KCTD8: variants seen among roughly 807,000 people sequenced by gnomAD.
KCTD8 encodes potassium channel tetramerization domain containing 8.
Under a neutral mutation model 31.5 loss-of-function variants are expected in KCTD8, and 27 were observed. The observed-to-expected ratio is 0.86, with a 90% CI of 0.63 to 1.18. KCTD8 has a LOEUF of 1.18. KCTD8 is among the 50% of genes most tolerant of loss of function. The probability of loss-of-function intolerance (pLI) is 0.00; values close to 1 mark genes in which losing one functional copy is unlikely to be tolerated. For missense variants in KCTD8, 658 were observed against 647.7 expected, an observed-to-expected ratio of 1.02 and a Z score of -0.17; for synonymous variants, 290 against 280.0, an observed-to-expected ratio of 1.04 and a Z score of -0.36.
intron 1 of KCTD8, among the ~76,000 whole-genome samples, chr4:44,288,814 T>C (rs933212369): frequency 1.3e-5 from 2 of 152,056 alleles, no homozygotes; most frequent in African/African-American, 4.8e-5. Flanking sequence ...CCCTCTTCCT[T>C]TCTGCATATA....
At chr4:44,198,828 G>A (rs1001781162) in intron 1 of KCTD8, among the ~76,000 whole-genome samples, 2 of 152,068 alleles carry the variant, frequency 1.3e-5, no homozygotes, top group African/African-American at 4.8e-5. Context: ...GAATACCAAT[G>A]ATCCAAATGC....
chr4:44,278,932 A>G (rs1716823449), intron 1 of KCTD8, among the ~76,000 whole-genome samples: 1 of 151,814 alleles, frequency 6.6e-6, no homozygotes, highest in South Asian at 2.1e-4. Flanking sequence ...ATCTATTTTT[A>G]TTTCTTGCAC....
chr4:44,205,078 A>G (rs1714263846), intron 1 of KCTD8, among the ~76,000 whole-genome samples: 1 of 152,158 alleles, frequency 6.6e-6, no homozygotes, highest in Admixed American at 6.5e-5. Flanking sequence ...AATACCATAA[A>G]GATGTAATTA....
At chr4:44,255,174 G>C (rs1715956036) in intron 1 of KCTD8, among the ~76,000 whole-genome samples, 1 of 151,732 alleles carries the variant, frequency 6.6e-6, no homozygotes, top group Non-Finnish European at 1.5e-5. Flanking sequence ...CTATGATGCT[G>C]GCTTTCTTGG....
intron 1 of KCTD8, among the ~76,000 whole-genome samples, chr4:44,277,696 T>A (rs1238839056): frequency 6.6e-6 from 1 of 151,972 alleles, no homozygotes; most frequent in Non-Finnish European, 1.5e-5. Context: ...CTTACTTACA[T>A]AAATGTTTCC....
chr4:44,334,687 AG>A (rs1718676647), intron 1 of KCTD8, among the ~76,000 whole-genome samples: 1 of 152,132 alleles, frequency 6.6e-6, no homozygotes, highest in African/African-American at 2.4e-5. Context: ...AACAACAAAA[AG>A]AAAAACCAAG....
intron 1 of KCTD8, among the ~76,000 whole-genome samples, chr4:44,320,499 T>G (rs1027257613): frequency 2.6e-5 from 4 of 152,214 alleles, no homozygotes; most frequent in Admixed American, 6.5e-5. Context: ...TAGCTATGCC[T>G]ACTCATTGGG....
At chr4:44,300,243 G>A (rs749061814) in intron 1 of KCTD8, among the ~76,000 whole-genome samples, 3 of 152,056 alleles carry the variant, frequency 2.0e-5, no homozygotes, top group Non-Finnish European at 4.4e-5. Context: ...CAGAGGCACA[G>A]CTTCTATTTC....
intron 1 of KCTD8, among the ~76,000 whole-genome samples, chr4:44,343,050 G>A (rs1381389650): frequency 6.6e-6 from 1 of 152,210 alleles, no homozygotes; most frequent in Non-Finnish European, 1.5e-5. Flanking sequence ...GTCCAGTGGA[G>A]TTGCACTTTT....
At chr4:44,424,054 T>C (rs901009584) in intron 1 of KCTD8, among the ~76,000 whole-genome samples, 1 of 152,084 alleles carries the variant, frequency 6.6e-6, no homozygotes, top group Non-Finnish European at 1.5e-5. Context: ...ACACTATCCA[T>C]CTTTAGTCCA....
At chr4:44,343,249 T>C (rs990787878) in intron 1 of KCTD8, among the ~76,000 whole-genome samples, 23 of 152,164 alleles carry the variant, frequency 1.5e-4, no homozygotes, top group African/African-American at 5.1e-4. Flanking sequence ...TGATTAGTAA[T>C]TGGCCTGATT....
chr4:44,413,833 G>A (rs1399515649), intron 1 of KCTD8, among the ~76,000 whole-genome samples: 1 of 152,062 alleles, frequency 6.6e-6, no homozygotes, highest in Admixed American at 6.6e-5. Context: ...TTATCCAGAA[G>A]AGCCCAATGC....
rs919500820 is a variant in KCTD8, at chr4:44,174,944, G to A, written c.1268C>T (p.Thr423Ile). 4 of 1,614,068 alleles carry A rather than the reference G, an allele frequency of 2.5e-6. No homozygotes were observed. Among genetic ancestry groups the A allele is most frequent in the Non-Finnish European group, 1.7e-6 (2 of 1,179,986 alleles). Residue 423 changes from threonine (T) to isoleucine (I), a missense_variant, in exon 2 of 2, where the codon ACA becomes ATA. Thr to Ile is a moderately conservative substitution (Grantham distance 89, BLOSUM62 -1). Coordinates refer to ENST00000360029, the MANE Select transcript of KCTD8 (RefSeq NM_198353.3). ...ACAGACTTTCTTTTTGGACAGATTT[G>A]TTTCCCGGGACTTGCTGATGAGGGT... ...FQTLISKSRETNLSKKKVCEK... is the reference protein window; with the variant it reads ...FQTLISKSREINLSKKKVCEK...
intron 1 of KCTD8, among the ~76,000 whole-genome samples, chr4:44,183,998 A>T (rs929009663): frequency 2.0e-5 from 3 of 152,210 alleles, no homozygotes; most frequent in Admixed American, 2.0e-4. Context: ...CTCCATTTTG[A>T]TTTCACAAAC....
chr4:44,272,191 T>C lies in KCTD8; in HGVS notation c.962-96941A>G, dbSNP rs564473596. On this transcript the variant is annotated intron_variant, in intron 1 of 1. Transcript: ENST00000360029. ...GTTTTTCAATATCCATCAAGTATTGTCAATTTAATAAGTTTCCATTCAATC... is the reference window on the plus strand; with the variant it reads ...GTTTTTCAATATCCATCAAGTATTGCCAATTTAATAAGTTTCCATTCAATC... 3.3e-5 allele frequency among the ~76,000 whole-genome samples: 5 copies of C among 150,962 alleles called. No individual in the cohort carries two copies. The East Asian group carries it at 9.7e-4, about 29-fold the overall frequency.
At chr4:44,195,792 T>C (rs2109336931) in intron 1 of KCTD8, among the ~76,000 whole-genome samples, 1 of 152,240 alleles carries the variant, frequency 6.6e-6, no homozygotes, top group African/African-American at 2.4e-5. Flanking sequence ...GTAAGAGGGC[T>C]GAGAGGAAGT....
intron 1 of KCTD8, among the ~76,000 whole-genome samples, chr4:44,382,628 G>C (rs1720099329): frequency 6.6e-6 from 1 of 151,854 alleles, no homozygotes; most frequent in Non-Finnish European, 1.5e-5. Flanking sequence ...TACTCAGAAG[G>C]CTGAGGCAGA....
chr4:44,346,809 T>A (rs943645011), intron 1 of KCTD8, among the ~76,000 whole-genome samples: 8 of 152,216 alleles, frequency 5.3e-5, no homozygotes, highest in African/African-American at 1.9e-4. Flanking sequence ...AAAGGAAATA[T>A]ATATCTTCAT....
At chr4:44,360,033 A>G (rs905179614) in intron 1 of KCTD8, among the ~76,000 whole-genome samples, 12 of 152,022 alleles carry the variant, frequency 7.9e-5, no homozygotes, top group Admixed American at 2.6e-4. Context: ...GGGGTAGACT[A>G]CTTTCCCTTA....
Sources: gnomAD v4.1 joint callset for allele counts (sites outside exome capture counted in the v4.1 genomes callset) on GRCh38, gnomAD v4.1.1 for gene constraint, MANE v1.5 for transcripts, NCBI Gene and HGNC (gene_info 2026-07-23, HGNC 2026-07-21) for gene names.